SGCD: variants seen among roughly 807,000 people sequenced by gnomAD.
The protein encoded by SGCD is delta-sarcoglycan.
A neutral mutation model predicts 36.6 loss-of-function variants in SGCD; 18 were observed. That is an observed-to-expected ratio of 0.49 (90% confidence interval 0.34 to 0.73). SGCD has a LOEUF of 0.73. Ranked by LOEUF, SGCD falls within the 30% of genes least tolerant of loss-of-function variation. The pLI, the probability that SGCD is intolerant of heterozygous loss-of-function variation, is 0.01. For missense variants in SGCD, 387 were observed against 346.7 expected (o/e 1.12, Z -0.92); for synonymous variants, 133 against 130.6 (o/e 1.02, Z -0.12).
intron 3 of SGCD, among the ~76,000 whole-genome samples, chr5:156,362,049 G>C (rs1203342707): frequency 6.6e-6 from 1 of 152,204 alleles, no homozygotes; most frequent in Non-Finnish European, 1.5e-5. Flanking sequence ...CCCTGATTGA[G>C]AAAGGACTTA....
At chr5:156,520,321 A>G (rs78052217) in intron 4 of SGCD, among the ~76,000 whole-genome samples, 3 of 152,336 alleles carry the variant, frequency 2.0e-5, no homozygotes, top group South Asian at 4.1e-4. Flanking sequence ...AAATGGAAGG[A>G]TCTCCTCAGG....
At chr5:156,030,455 T>C (rs1007483277) in intron 1 of SGCD, among the ~76,000 whole-genome samples, 2 of 152,082 alleles carry the variant, frequency 1.3e-5, no homozygotes, top group African/African-American at 4.8e-5. Context: ...ACAGCAAGGA[T>C]TGCTGGCAGC....
chr5:155,859,145 G>A, the SGCD span, among the ~76,000 whole-genome samples: 16,262 of 151,638 alleles, frequency 0.11, 1,715 homozygotes, highest in African/African-American at 0.27. Flanking sequence ...CACTGCAGCC[G>A]TAACCCCCAG....
At chr5:155,867,573 T>C (rs1207113626), upstream of SGCD, among the ~76,000 whole-genome samples, 1 of 152,140 alleles carries the variant, frequency 6.6e-6, no homozygotes, top group Non-Finnish European at 1.5e-5. Flanking sequence ...AGTGGGTGGC[T>C]GAGGGCTTAT....
At chr5:155,981,628 G>A (rs1466800382) in intron 1 of SGCD, among the ~76,000 whole-genome samples, 1 of 152,020 alleles carries the variant, frequency 6.6e-6, no homozygotes, top group Non-Finnish European at 1.5e-5. Context: ...TACTTCTGCT[G>A]TGTTCAGCTT....
At chr5:156,358,927 C>T (rs1368857806) in intron 3 of SGCD, among the ~76,000 whole-genome samples, 1 of 151,904 alleles carries the variant, frequency 6.6e-6, no homozygotes, top group Non-Finnish European at 1.5e-5. Flanking sequence ...GGGTGGAAGG[C>T]AACTTTTCCA....
At chr5:156,147,169 G>A (rs533474874) in intron 3 of SGCD, among the ~76,000 whole-genome samples, 129 of 152,292 alleles carry the variant, frequency 8.5e-4, no homozygotes, top group South Asian at 1.2e-3. Flanking sequence ...TAGTCCTATA[G>A]GGTAATAGTA....
At position 156,171,014 on chromosome 5, in the gene SGCD, G is replaced by T. The variant is rs139249146; in HGVS notation, c.-44+46995G>T. Among the ~76,000 whole-genome samples the T allele has an allele frequency of 6.6e-4, 101 of 152,260 alleles. No individual in the cohort carries two copies. In the East Asian group the frequency reaches 0.016, roughly 24 times the overall value. ...ATAACCTTCTTCTTTCTGTGTAAAT[G>T]AGTAGCCTGACTTAGGATCTGATTT... On this transcript the variant is annotated intron_variant, in intron 3 of 9. Transcript: ENST00000517913.
the SGCD span, among the ~76,000 whole-genome samples, chr5:155,861,577 G>A: frequency 2.0e-5 from 3 of 152,152 alleles, no homozygotes; most frequent in Non-Finnish European, 4.4e-5. Context: ...AATTAGCTGG[G>A]TATGGTGGCA....
At chr5:156,262,669 C>G (rs557056776) in intron 3 of SGCD, among the ~76,000 whole-genome samples, 5 of 152,104 alleles carry the variant, frequency 3.3e-5, no homozygotes, top group East Asian at 3.9e-4. Context: ...AATTTGTAGT[C>G]TTTTATCCCT....
chr5:155,765,362 G>A, the SGCD span, among the ~76,000 whole-genome samples: 7 of 146,142 alleles, frequency 4.8e-5, no homozygotes, highest in African/African-American at 1.8e-4. Flanking sequence ...GAGGGAGGGA[G>A]GGAGGAAGGA....
At chr5:155,910,477 CAAG>C (rs1362391390) in intron 1 of SGCD, among the ~76,000 whole-genome samples, 2 of 151,960 alleles carry the variant, frequency 1.3e-5, no homozygotes, top group East Asian at 3.9e-4. Context: ...GCTTTGGTCC[CAAG>C]AAGGTCATTA....
the SGCD span, among the ~76,000 whole-genome samples, chr5:155,792,468 AGGCT>A: frequency 6.6e-6 from 1 of 151,222 alleles, no homozygotes; most frequent in Non-Finnish European, 1.5e-5. Flanking sequence ...CAGAATAAAC[AGGCT>A]ACATAATGGG....
At chr5:155,728,294 C>T in the SGCD span, among the ~76,000 whole-genome samples, 2 of 152,164 alleles carry the variant, frequency 1.3e-5, no homozygotes, top group African/African-American at 4.8e-5. Context: ...GCTGCTGCCG[C>T]TGCCGGAGCC....
At chr5:156,371,921 G>T (rs1770408652) in intron 3 of SGCD, among the ~76,000 whole-genome samples, 2 of 152,150 alleles carry the variant, frequency 1.3e-5, no homozygotes, top group Non-Finnish European at 2.9e-5. Context: ...TTGGACTTTT[G>T]TGTAGCAACT....
At chr5:156,287,940 C>T (rs959386557) in intron 3 of SGCD, among the ~76,000 whole-genome samples, 1 of 152,044 alleles carries the variant, frequency 6.6e-6, no homozygotes, top group Non-Finnish European at 1.5e-5. Context: ...ATGCCAAGTG[C>T]CAGGTACTGC....
At chr5:155,949,334 C>A (rs1757505626) in intron 1 of SGCD, among the ~76,000 whole-genome samples, 2 of 152,140 alleles carry the variant, frequency 1.3e-5, no homozygotes, top group African/African-American at 4.8e-5. Flanking sequence ...CATAATCAAT[C>A]ATAAGAAAGA....
chr5:156,189,445 C>G (rs952014523), intron 3 of SGCD, among the ~76,000 whole-genome samples: 2 of 152,052 alleles, frequency 1.3e-5, no homozygotes, highest in African/African-American at 4.8e-5. Context: ...GGAAGGGGAC[C>G]TTAGTGATCA....
At chr5:155,940,092 C>T (rs1245164828) in intron 1 of SGCD, among the ~76,000 whole-genome samples, 1 of 152,168 alleles carries the variant, frequency 6.6e-6, no homozygotes, top group African/African-American at 2.4e-5. Flanking sequence ...CCTGCCTCAG[C>T]TTTTCATGTG....
Sources: allele counts gnomAD v4.1 joint callset (sites outside exome capture counted in the v4.1 genomes callset), GRCh38; gene constraint gnomAD v4.1.1; transcripts MANE v1.5; gene names NCBI Gene and HGNC (gene_info 2026-07-23, HGNC 2026-07-21).